The following SHANK2 variants were observed in gnomAD, a reference collection of about 807,000 sequenced individuals.
SHANK2 encodes SH3 and multiple ankyrin repeat domains protein 2.
A neutral mutation model predicts 133.7 loss-of-function variants in SHANK2; 43 were observed. The observed-to-expected ratio is 0.32, with a 90% confidence interval of 0.25 to 0.41. The LOEUF (loss-of-function observed/expected upper bound fraction) is 0.41, where lower values mean the gene tolerates loss of function less well. Ranked by LOEUF, SHANK2 falls within the 10% of genes least tolerant of loss-of-function variation. The pLI, the probability that SHANK2 is intolerant of heterozygous loss-of-function variation, is 1.00. For missense variants in SHANK2, 1,994 were observed against 2,235.8 expected, an observed-to-expected ratio of 0.89 and a Z score of 2.18; for synonymous variants, 1,017 against 952.8, an observed-to-expected ratio of 1.07 and a Z score of -1.24.
chr11:70,495,696 G>C, intron 21 of SHANK2, among the ~76,000 whole-genome samples: 1 of 152,204 alleles, frequency 6.6e-6, no homozygotes, highest in South Asian at 2.1e-4. Context: ...TGGAGCGTGA[G>C]GCCTGAGCGG....
intron 17 of SHANK2, among the ~76,000 whole-genome samples, chr11:70,525,583 T>G (rs1490504022): frequency 2.6e-5 from 4 of 152,076 alleles, no homozygotes; most frequent in African/African-American, 7.2e-5. Flanking sequence ...CTCTTTCTTT[T>G]GAAATGCCAG....
In SHANK2 at chr11:71,064,615, T is replaced by C. The variant is rs923582445; in HGVS notation, c.1030-8057A>G. 1.4e-3 allele frequency among the ~76,000 whole-genome samples: 206 copies of C among 149,786 alleles called. 1 individual carries two copies. Among genetic ancestry groups the C allele is most frequent in the African/African-American group, 4.6e-3 (186 of 40,668 alleles). ...AAGAGGCTGGATGGTGAATACATAG[T>C]CCCAGGGAGAGACAGCAGGGCCCCA... On this transcript the variant is annotated intron_variant, in intron 9 of 25. Coordinates refer to ENST00000601538, the MANE Select transcript of SHANK2 (RefSeq NM_012309.5).
rs183223167 is a variant in SHANK2, at chr11:70,641,103, T to C, written c.2061+18725A>G. ...TGCTTTTTTTTCTTTTTTTCTTTTC[T>C]TTTTTTTTTTGAGACGAAGTCTTGC... On this transcript the variant is annotated intron_variant, in intron 17 of 25. Transcript: ENST00000601538. Among the ~76,000 whole-genome samples the C allele has an allele frequency of 5.8e-3, 310 of 53,578 alleles. 2 individuals are homozygous for C. Among genetic ancestry groups the C allele is most frequent in the African/African-American group, 0.014 (295 of 20,862 alleles). 35.1% of individuals were successfully genotyped at this position (53,578 alleles called of 152,430 possible).
chr11:71,084,537 A>G (rs1176708730), intron 8 of SHANK2, among the ~76,000 whole-genome samples: 3 of 152,212 alleles, frequency 2.0e-5, no homozygotes, highest in Non-Finnish European at 4.4e-5. Context: ...GAACCCTGGG[A>G]CAGGGCTGTC....
intron 8 of SHANK2, among the ~76,000 whole-genome samples, chr11:71,076,846 CA>C (rs1246549833): frequency 6.6e-6 from 1 of 152,216 alleles, no homozygotes; most frequent in Non-Finnish European, 1.5e-5. Flanking sequence ...GAGAAGCTAC[CA>C]AGTCCCAAGC....
At chr11:70,797,832 TACACAC>T (rs368707688) in intron 14 of SHANK2, among the ~76,000 whole-genome samples, 122 of 142,038 alleles carry the variant, frequency 8.6e-4, no homozygotes, top group Middle Eastern at 3.7e-3. Flanking sequence ...TCCACTCTCA[TACACAC>T]ACACACACAC....
At chr11:70,663,862 GT>G (rs1555014163) in intron 15 of SHANK2, among the ~76,000 whole-genome samples, 1 of 152,176 alleles carries the variant, frequency 6.6e-6, no homozygotes, top group Admixed American at 6.5e-5. Flanking sequence ...AGGTCACATG[GT>G]TATTGTGACC....
chr11:70,848,048 C>T (rs1949023560), intron 11 of SHANK2, among the ~76,000 whole-genome samples: 1 of 152,174 alleles, frequency 6.6e-6, no homozygotes, highest in Non-Finnish European at 1.5e-5. Flanking sequence ...GAAGGGCGGC[C>T]CCACACCTAT....
At chr11:70,711,584 C>T (rs564421215) in intron 14 of SHANK2, among the ~76,000 whole-genome samples, 4 of 152,356 alleles carry the variant, frequency 2.6e-5, no homozygotes, top group South Asian at 2.1e-4. Flanking sequence ...GGAGCCAGCA[C>T]GCCCGCCCGG....
At position 70,625,148 on chromosome 11, in the gene SHANK2, G is replaced by T. The variant is rs539491113; in HGVS notation, c.2061+34680C>A. Among the ~76,000 whole-genome samples the T allele has an allele frequency of 7.2e-5, 11 of 152,256 alleles. No homozygotes were observed. The East Asian group carries it at 7.7e-4, about 11-fold the overall frequency. On this transcript the variant is annotated intron_variant, in intron 17 of 25. Coordinates refer to ENST00000601538, the MANE Select transcript of SHANK2 (RefSeq NM_012309.5). The stretch of plus-strand genomic sequence containing the variant: ...AGATCAGGCAAGGACAGGCAGGCGT[G>T]GGGGGCAGAGTCCAGGAGGGTCCAG...
intron 14 of SHANK2, among the ~76,000 whole-genome samples, chr11:70,709,575 C>T (rs1404599918): frequency 6.6e-6 from 1 of 152,210 alleles, no homozygotes. Flanking sequence ...TCCTGACATC[C>T]CATGGGTAAA....
chr11:70,752,623 G>C (rs1044818143), intron 14 of SHANK2, among the ~76,000 whole-genome samples: 1 of 150,166 alleles, frequency 6.7e-6, no homozygotes, highest in Admixed American at 6.6e-5. Flanking sequence ...GGAGAATGGC[G>C]TGAACCCGGG....
In SHANK2 at chr11:71,149,190, G is replaced by A. The variant is rs565826900; in HGVS notation, c.-12-1852C>T. ...CTGGGCATAAGGACAGTCCTGAGCT[G>A]AAGACGATGGAGGAAAAGCAGGTGC... On this transcript the variant is annotated intron_variant, in intron 2 of 25. Coordinates refer to ENST00000601538, the MANE Select transcript of SHANK2 (RefSeq NM_012309.5). 3.7e-3 allele frequency among the ~76,000 whole-genome samples: 568 copies of A among 152,328 alleles called. 7 individuals carry two copies. Among genetic ancestry groups the A allele is most frequent in the African/African-American group, 0.013 (537 of 41,574 alleles).
intron 2 of SHANK2, among the ~76,000 whole-genome samples, chr11:71,156,068 A>C (rs1404917856): frequency 6.6e-6 from 1 of 152,192 alleles, no homozygotes; most frequent in Non-Finnish European, 1.5e-5. Context: ...ACACAGCAAG[A>C]AGGCAGCCAC....
intron 17 of SHANK2, among the ~76,000 whole-genome samples, chr11:70,582,450 T>C (rs2060196753): frequency 6.6e-6 from 1 of 152,252 alleles, no homozygotes; most frequent in Admixed American, 6.5e-5. Context: ...TCAGCTTCCC[T>C]GTGGAGTCCC....
intron 17 of SHANK2, among the ~76,000 whole-genome samples, chr11:70,512,674 G>A (rs1390480955): frequency 6.6e-6 from 1 of 152,148 alleles, no homozygotes; most frequent in Non-Finnish European, 1.5e-5. Flanking sequence ...CTTTTGATCT[G>A]CACTGAACAA....
At chr11:70,787,200 ACAT>A (rs1947680972) in intron 14 of SHANK2, among the ~76,000 whole-genome samples, 1 of 86,100 alleles carries the variant, frequency 1.2e-5, no homozygotes, top group African/African-American at 5.3e-5. Flanking sequence ...AGCATCACCA[ACAT>A]CATCACCATG....
intron 11 of SHANK2, chr11:70,863,616 C>T (rs1949299611): frequency 2.3e-6 from 1 of 441,456 alleles, no homozygotes; most frequent in Non-Finnish European, 4.6e-6. Flanking sequence ...CTTTGCTAGG[C>T]CTGGTGCCTC....
intron 17 of SHANK2, among the ~76,000 whole-genome samples, chr11:70,561,634 T>C (rs1338807890): frequency 6.6e-6 from 1 of 151,914 alleles, no homozygotes; most frequent in Non-Finnish European, 1.5e-5. Flanking sequence ...GCTCAAGTGA[T>C]GTTCCCACTT....
Sources: gnomAD v4.1 joint callset for allele counts (sites outside exome capture counted in the v4.1 genomes callset) on GRCh38, gnomAD v4.1.1 for gene constraint, MANE v1.5 for transcripts, NCBI Gene and HGNC (gene_info 2026-07-23, HGNC 2026-07-21) for gene names.